Variants in CACNA1H observed in about 807,000 individuals in gnomAD.
CACNA1H encodes voltage-dependent T-type calcium channel subunit alpha-1H.
A neutral mutation model predicts 192.5 loss-of-function variants in CACNA1H; 149 were observed. The ratio of observed to expected loss-of-function variants is 0.77; its 90% CI spans 0.68 to 0.89. CACNA1H has a LOEUF of 0.89. Among genes scored for constraint, CACNA1H ranks in the 40% least tolerant of loss-of-function variants. CACNA1H has a pLI of 0.00. For missense variants in CACNA1H, 4,257 were observed against 3,423.5 expected (o/e 1.24, Z -6.08); for synonymous variants, 2,202 against 1,475.2 (o/e 1.49, Z -11.29).
Position 1,202,221 on chromosome 16 carries a change from G to A in CACNA1H, c.1771G>A (p.Val591Met). Residue 591 changes from valine to methionine, a missense_variant, in exon 9 of 35, where the codon GTG becomes ATG. Transcript: ENST00000348261. Reference protein sequence around the residue: ...HIEGPQERARVAHAAATAAAS... With the variant: ...HIEGPQERARMAHAAATAAAS... ...AGAGGGGCCGCAGGAGAGGGCCCGG[G>A]TGGCACATGCCGCAGCCACTGCCGC... The A allele has an allele frequency of 6.4e-7, 1 of 1,554,958 alleles. No individual in the cohort carries two copies. Among genetic ancestry groups the A allele is most frequent in the Non-Finnish European group, 8.7e-7 (1 of 1,150,840 alleles).
At chr16:1,202,834 C>T (rs1272854428) in intron 9 of CACNA1H, among the ~76,000 whole-genome samples, 8 of 152,110 alleles carry the variant, frequency 5.3e-5, no homozygotes, top group Non-Finnish European at 1.2e-4. Flanking sequence ...TCCTTCGTGG[C>T]CATTGAGGCT....
intron 2 of CACNA1H, among the ~76,000 whole-genome samples, chr16:1,162,440 C>T (rs779724679): frequency 6.6e-6 from 1 of 152,174 alleles, no homozygotes; most frequent in South Asian, 2.1e-4. Flanking sequence ...GGAGTCAGCC[C>T]CTTTCAGGAT....
rs752545002 is a variant in CACNA1H at position 1,220,296 on chromosome 16, G to A, written c.6364G>A (p.Ala2122Thr). The change falls in exon 35 of 35, where the codon GCC becomes ACC. Residue 2122 changes from alanine (A) to threonine (T), a missense_variant. By Grantham distance (58) the Ala-to-Thr change is moderately conservative. Coordinates refer to ENST00000348261, the MANE Select transcript of CACNA1H (RefSeq NM_021098.3). The part of the protein sequence containing the change: ...QPTAEPHGPE[A>T]SPVAGGERDL... Reference sequence around the variant, plus strand: ...CACAGCCGAGCCCCATGGCCCCGAAGCCTCTCCGGTGGCCGGCGGCGAGCG... The same window carrying A: ...CACAGCCGAGCCCCATGGCCCCGAAACCTCTCCGGTGGCCGGCGGCGAGCG... 3 of 1,574,616 alleles carry A rather than the reference G, an allele frequency of 1.9e-6. No individual in the cohort carries two copies. The highest frequency in any genetic ancestry group is 1.4e-5 in the African/African-American group (1 of 71,910).
rs768878179 is a variant in CACNA1H at position 1,198,764 on chromosome 16, G to A, written c.793G>A (p.Ala265Thr). 1.7e-5 allele frequency: 28 copies of A among 1,610,922 alleles called. No homozygotes were observed. Among genetic ancestry groups the A allele is most frequent in the Non-Finnish European group, 2.4e-5 (28 of 1,179,074 alleles). The change falls in exon 6 of 35, where the codon GCC (alanine) becomes ACC (threonine). Residue 265 changes from alanine (A) to threonine (T), a missense_variant. By Grantham distance (58) the Ala-to-Thr change is moderately conservative. Coordinates refer to ENST00000348261, the MANE Select transcript of CACNA1H (RefSeq NM_021098.3). ...GCGGAACCGCTGCTTCCTGGACAGTGCCTTTGTCAGGTGCCCAGGCCCCAC... is the reference window on the plus strand; with the variant it reads ...GCGGAACCGCTGCTTCCTGGACAGTACCTTTGTCAGGTGCCCAGGCCCCAC... ...LLRNRCFLDS[A>T]FVRNNNLTFL... is the part of the protein sequence containing the mutation.
At position 1,200,290 on chromosome 16, in the gene CACNA1H, C is replaced by G; in HGVS notation, c.838C>G (p.Gln280Glu). 1 of 1,605,298 alleles carries G rather than the reference C, an allele frequency of 6.2e-7. No homozygotes were observed. The highest frequency in any genetic ancestry group is 8.5e-7 in the Non-Finnish European group (1 of 1,176,068). Reference protein sequence around the residue: ...NNLTFLRPYYQTEEGEENPFI... With the variant: ...NNLTFLRPYYETEEGEENPFI... ...CCTGACCTTCCTGCGGCCGTACTAC[C>G]AGACGGAGGAGGGCGAGGAGAACCC... Residue 280 changes from glutamine to glutamate, a missense_variant, in exon 7 of 35, where the codon CAG becomes GAG. Coordinates refer to ENST00000348261, the MANE Select transcript of CACNA1H (RefSeq NM_021098.3).
chr16:1,205,119 G>A lies in CACNA1H; in HGVS notation c.2457G>A (p.Glu819=). The change falls in exon 11 of 35, where the codon GAG becomes GAA. Residue 819 remains glutamate, a synonymous_variant. Transcript: ENST00000348261. ...SMGVEYHEQP[E]ELTNALEISN... is the part of the protein sequence containing the mutation. The stretch of plus-strand genomic sequence containing the variant: ...GTCCCCACCTCTGCCTGCAGCCCGA[G>A]GAGCTGACTAATGCTCTGGAGATCA... 1 of 1,611,644 alleles carries A rather than the reference G, an allele frequency of 6.2e-7. No individual in the cohort carries two copies. Among genetic ancestry groups the A allele is most frequent in the Non-Finnish European group, 8.5e-7 (1 of 1,179,612 alleles).
In CACNA1H at chr16:1,213,939, C is replaced by A. The variant is rs59027578; in HGVS notation, c.4929+8C>A. On this transcript the variant is annotated splice_region_variant and intron_variant, in intron 27 of 34. Transcript: ENST00000348261. ...CACTATAACCAACCCAAGGTGGGTG[C>A]GAGGGGGCCGCGAGGGGCCCAGGGG... 17 of 1,607,200 alleles carry A rather than the reference C, an allele frequency of 1.1e-5. No homozygotes were observed. In the East Asian group the frequency reaches 3.4e-4, roughly 32 times the overall value.
chr16:1,181,349 G>C (rs374291909), intron 2 of CACNA1H, among the ~76,000 whole-genome samples: 2 of 152,264 alleles, frequency 1.3e-5, no homozygotes, highest in Non-Finnish European at 2.9e-5. Flanking sequence ...GGCCCTGACC[G>C]GGGACAGCTG....
chr16:1,202,766 G>A (rs1000384231), intron 9 of CACNA1H, among the ~76,000 whole-genome samples: 4 of 152,126 alleles, frequency 2.6e-5, no homozygotes, highest in Admixed American at 6.5e-5. Context: ...GCCTGGCCCC[G>A]AGAGGGACCG....
intron 30 of CACNA1H, among the ~76,000 whole-genome samples, chr16:1,216,056 C>G (rs944798225): frequency 6.6e-6 from 1 of 152,190 alleles, no homozygotes; most frequent in Non-Finnish European, 1.5e-5. Context: ...AGACCCAACA[C>G]GTTGTCCCGT....
At position 1,220,839 on chromosome 16, in the gene CACNA1H, C is replaced by G; in HGVS notation, c.6907C>G (p.Leu2303Val). The G allele has an allele frequency of 1.2e-6, 2 of 1,612,846 alleles. No individual in the cohort carries two copies. Among genetic ancestry groups the G allele is most frequent in the South Asian group, 1.1e-5 (1 of 91,086 alleles). Residue 2303 changes from leucine (L) to valine (V), a missense_variant, in exon 35 of 35, where the codon CTG becomes GTG. Coordinates refer to ENST00000348261, the MANE Select transcript of CACNA1H (RefSeq NM_021098.3). ...TTCCTCTTCAGGGGCCATAGTGCCC[C>G]TGGAACCCCCAGAATCAGAGCCTCC... The part of the protein sequence containing the change: ...RASSSGAIVP[L>V]EPPESEPPMP...
chr16:1,207,338 G>T lies in CACNA1H; in HGVS notation c.2971G>T (p.Ala991Ser). ...YNGMASTSSW[A>S]ALYFVALMTF... ...CGGCATGGCCTCCACCTCCTCCTGG[G>T]CCGCCCTCTACTTCGTGGCCCTCAT... The change falls in exon 14 of 35, where the codon GCC becomes TCC. Residue 991 changes from alanine (A) to serine (S), a missense_variant. Transcript: ENST00000348261. The T allele has an allele frequency of 6.2e-7, 1 of 1,611,994 alleles. No individual in the cohort carries two copies. The highest frequency in any genetic ancestry group is 8.5e-7 in the Non-Finnish European group (1 of 1,179,308).
intron 2 of CACNA1H, among the ~76,000 whole-genome samples, chr16:1,174,226 C>T (rs1964646195): frequency 6.6e-6 from 1 of 152,162 alleles, no homozygotes; most frequent in Non-Finnish European, 1.5e-5. Flanking sequence ...TGGCACCCGG[C>T]TGAAGTCTCC....
In CACNA1H at chr16:1,206,852, C is replaced by A; in HGVS notation, c.2790-149C>A. 3 of 581,156 alleles carry A rather than the reference C, an allele frequency of 5.2e-6. No individual in the cohort carries two copies. The South Asian group carries it at 5.9e-5, about 11-fold the overall frequency. The allele number at this position is 581,156 out of a possible 1,614,324, so 36.0% of individuals were successfully genotyped here. ...TCCCTTTTAAGCTAGAGAGCTCGGG[C>A]GCCCAGGGAGGGTAGGAGGCCAGGA... On this transcript the variant is annotated intron_variant, in intron 12 of 34. Coordinates refer to ENST00000348261, the MANE Select transcript of CACNA1H (RefSeq NM_021098.3).
intron 2 of CACNA1H, among the ~76,000 whole-genome samples, chr16:1,177,029 G>T (rs1964957278): frequency 6.6e-6 from 1 of 152,140 alleles, no homozygotes; most frequent in African/African-American, 2.4e-5. Flanking sequence ...CTCCCCCCAG[G>T]AGCTTCCCCC....
At chr16:1,196,909 C>T (rs550851556) in intron 5 of CACNA1H, among the ~76,000 whole-genome samples, 8 of 152,286 alleles carry the variant, frequency 5.3e-5, no homozygotes, top group African/African-American at 1.7e-4. Context: ...GTACCAGGCG[C>T]GAGTGCATAC....
intron 8 of CACNA1H, 60 bp from the exon 9 acceptor site, chr16:1,201,603 T>C (rs1197651869): frequency 9.3e-6 from 14 of 1,498,684 alleles, no homozygotes; most frequent in Non-Finnish European, 1.2e-5. Flanking sequence ...ACAGTAGGGC[T>C]CAGTGGCGAA....
Position 1,218,272 on chromosome 16 carries a change from G to A in CACNA1H, c.5508G>A (p.Ser1836=), listed in dbSNP as rs751254263. The A allele has an allele frequency of 1.2e-5, 18 of 1,551,850 alleles. No homozygotes were observed. Among genetic ancestry groups the A allele is most frequent in the East Asian group, 9.8e-5 (4 of 40,982 alleles). The change falls in exon 33 of 35, where the codon TCG becomes TCA. Residue 1836 remains serine, a synonymous_variant. Coordinates refer to ENST00000348261, the MANE Select transcript of CACNA1H (RefSeq NM_021098.3). ...GCCTGAGCTACCTGCCGGCCCTGTCGCCCGTCTACTTCGTGACCTTCGTGC... is the reference window on the plus strand; with the variant it reads ...GCCTGAGCTACCTGCCGGCCCTGTCACCCGTCTACTTCGTGACCTTCGTGC... ...KHCLSYLPAL[S]PVYFVTFVLV...
chr16:1,171,203 A>G (rs922478675), intron 2 of CACNA1H, among the ~76,000 whole-genome samples: 2 of 150,676 alleles, frequency 1.3e-5, no homozygotes, highest in Admixed American at 1.3e-4. Context: ...CTGTCTGCTC[A>G]CCCCCGCGCC....
Sources: gnomAD v4.1 joint callset for allele counts (sites outside exome capture counted in the v4.1 genomes callset) on GRCh38, gnomAD v4.1.1 for gene constraint, MANE v1.5 for transcripts, NCBI Gene and HGNC (gene_info 2026-07-23, HGNC 2026-07-21) for gene names.